Variants in SIL1 observed in about 807,000 individuals in gnomAD.
The protein encoded by SIL1 is nucleotide exchange factor SIL1.
SIL1 carries 40 observed loss-of-function variants against 49.1 expected under a neutral mutation model. The observed-to-expected ratio is 0.81, with a 90% CI of 0.63 to 1.06. SIL1 has a LOEUF of 1.06. SIL1 is among the 50% of genes least tolerant of loss of function. The probability of loss-of-function intolerance (pLI) is 0.00; values close to 1 mark genes in which losing one functional copy is unlikely to be tolerated. For synonymous variants in SIL1, 253 were observed against 250.8 expected (o/e 1.01, Z -0.08); for missense variants, 500 against 572.6 (o/e 0.87, Z 1.29).
At chr5:139,191,365 TTA>T (rs899028077) in intron 1 of SIL1, among the ~76,000 whole-genome samples, 7 of 152,126 alleles carry the variant, frequency 4.6e-5, no homozygotes, top group Non-Finnish European at 1.0e-4. Flanking sequence ...TTGTCCTACT[TTA>T]TGTTATTCCA....
At chr5:139,112,953 G>C (rs890265467) in intron 3 of SIL1, among the ~76,000 whole-genome samples, 6 of 152,242 alleles carry the variant, frequency 3.9e-5, no homozygotes, top group Admixed American at 6.5e-5. Flanking sequence ...TCTGTACTAA[G>C]AAAGATTCTT....
intron 3 of SIL1, among the ~76,000 whole-genome samples, chr5:139,089,838 A>T (rs1770304327): frequency 6.6e-6 from 1 of 152,168 alleles, no homozygotes; most frequent in South Asian, 2.1e-4. Flanking sequence ...CGGGTATGGG[A>T]TTTCCTTTTG....
chr5:139,102,064 C>T (rs931512304), intron 3 of SIL1, among the ~76,000 whole-genome samples: 5 of 152,142 alleles, frequency 3.3e-5, no homozygotes, highest in Non-Finnish European at 7.4e-5. Flanking sequence ...ACAGAGAATA[C>T]ATCAAAATAA....
rs1766642925 is a variant in SIL1 at position 138,946,990 on chromosome 5, G to A, written c.*127C>T. On this transcript the variant is annotated 3_prime_UTR_variant, in exon 10 of 10. Transcript: ENST00000394817. Reference sequence around the variant, plus strand: ...CACAGACACACAGCAGAAAGAGGATGGCCTTCAGGTTTCCATTTAATGGCC... The same window carrying A: ...CACAGACACACAGCAGAAAGAGGATAGCCTTCAGGTTTCCATTTAATGGCC... 2.7e-6 allele frequency: 2 copies of A among 753,284 alleles called. No individual in the cohort carries two copies. Among genetic ancestry groups the A allele is most frequent in the Non-Finnish European group, 4.7e-6 (2 of 423,766 alleles). 46.7% of individuals were successfully genotyped at this position (753,284 alleles called of 1,614,324 possible). A position where few individuals can be genotyped will look rare whatever the true frequency, so the allele number is the denominator to read the frequency against.
chr5:139,139,797 G>T (rs1581128740), intron 1 of SIL1, among the ~76,000 whole-genome samples: 4 of 152,186 alleles, frequency 2.6e-5, no homozygotes, highest in African/African-American at 9.6e-5. Flanking sequence ...GACCAGCCTG[G>T]CCAACATGGT....
chr5:139,168,550 C>G (rs1725574071), intron 1 of SIL1, among the ~76,000 whole-genome samples: 1 of 152,086 alleles, frequency 6.6e-6, no homozygotes, highest in African/African-American at 2.4e-5. Flanking sequence ...ATTGTTGTTG[C>G]TCCTCCCAGC....
intron 7 of SIL1, chr5:139,013,828 C>A (rs1458884304): frequency 1.3e-5 from 2 of 152,142 alleles, no homozygotes; most frequent in East Asian, 3.8e-4. Flanking sequence ...AAAAATAATA[C>A]ATACTCACTG....
Position 139,021,173 on chromosome 5 carries a change from G to A in SIL1, c.765C>T (p.Ser255=). 6.2e-7 allele frequency: 1 copy of A among 1,614,118 alleles called. No individual in the cohort carries two copies. Among genetic ancestry groups the A allele is most frequent in the Non-Finnish European group, 8.5e-7 (1 of 1,180,022 alleles). The change falls in exon 7 of 10, where the codon TCC becomes TCT. Residue 255 remains serine, a splice_region_variant and synonymous_variant. Transcript: ENST00000394817. The stretch of plus-strand genomic sequence containing the variant: ...GGGACGTCCATTATACTGCTCACCT[G>A]GAAAAGGCAGCGCCCAGCACAAACG... The part of the protein sequence containing the change: ...YAAFVLGAAF[S]SNPKVQVEAI...
chr5:139,173,133 A>C (rs771720116), intron 1 of SIL1, among the ~76,000 whole-genome samples: 1 of 152,226 alleles, frequency 6.6e-6, no homozygotes, highest in Non-Finnish European at 1.5e-5. Flanking sequence ...GCTGTTGAAG[A>C]AGCCGAGTTT....
intron 7 of SIL1, among the ~76,000 whole-genome samples, chr5:139,017,453 CTG>C (rs571842644): frequency 1.5e-4 from 23 of 152,008 alleles, no homozygotes; most frequent in Non-Finnish European, 2.6e-4. Flanking sequence ...ATCCTGCAAA[CTG>C]TGGAAAGTTC....
intron 1 of SIL1, among the ~76,000 whole-genome samples, chr5:139,178,760 AGT>A (rs1751930225): frequency 6.6e-6 from 1 of 152,116 alleles, no homozygotes; most frequent in Non-Finnish European, 1.5e-5. Flanking sequence ...ACTTATTCCA[AGT>A]GTAATTTTAC....
chr5:139,167,635 C>G (rs1270132970), intron 1 of SIL1, among the ~76,000 whole-genome samples: 1 of 152,150 alleles, frequency 6.6e-6, no homozygotes, highest in Non-Finnish European at 1.5e-5. Context: ...AAAAATATTA[C>G]AGTAAGCTAC....
chr5:139,114,782 A>C (rs1435441105), intron 3 of SIL1, among the ~76,000 whole-genome samples: 3 of 152,214 alleles, frequency 2.0e-5, no homozygotes. Context: ...ACTTATGTCC[A>C]AGAAGACAGA....
At chr5:139,141,499 T>A (rs867890423) in intron 1 of SIL1, among the ~76,000 whole-genome samples, 68 of 147,694 alleles carry the variant, frequency 4.6e-4, no homozygotes, top group South Asian at 1.3e-3. Flanking sequence ...AAAAAAAAAA[T>A]TTTTTTTTCA....
At chr5:139,004,514 A>T (rs914376400) in intron 7 of SIL1, among the ~76,000 whole-genome samples, 6 of 152,086 alleles carry the variant, frequency 3.9e-5, no homozygotes, top group Non-Finnish European at 8.8e-5. Flanking sequence ...TTATATTCAA[A>T]TCTTCACATC....
chr5:139,112,712 C>A lies in SIL1; in HGVS notation c.244+8323G>T, dbSNP rs1479059916. Among the ~76,000 whole-genome samples, 17 of 119,582 alleles carry A rather than the reference C, an allele frequency of 1.4e-4. No homozygotes were observed. The East Asian group carries it at 4.8e-3, about 34-fold the overall frequency. The allele number at this position is 119,582 out of a possible 152,430, so 78.5% of individuals were successfully genotyped here. A position where few individuals can be genotyped will look rare whatever the true frequency, so the allele number is the denominator to read the frequency against. On this transcript the variant is annotated intron_variant, in intron 3 of 9. Coordinates refer to ENST00000394817, the MANE Select transcript of SIL1 (RefSeq NM_022464.5). ...GCCTCCGCCCGGCCGCCGCCCCGTG[C>A]GGGAGGTGGGGGGCGCCTCTGCCCG...
At chr5:138,977,456 C>T (rs1044724879) in intron 7 of SIL1, among the ~76,000 whole-genome samples, 2 of 152,070 alleles carry the variant, frequency 1.3e-5, no homozygotes, top group Admixed American at 6.6e-5. Flanking sequence ...GCAAAGCAAT[C>T]AGAGGAATCT....
At chr5:139,027,430 C>T (rs1395344800) in intron 5 of SIL1, among the ~76,000 whole-genome samples, 1 of 152,192 alleles carries the variant, frequency 6.6e-6, no homozygotes, top group African/African-American at 2.4e-5. Context: ...CCCAATCCAA[C>T]AACATTTTAG....
rs35080367 is a variant in SIL1, at chr5:138,951,300, G to A, written c.900C>T (p.Phe300=). 6.7e-4 allele frequency: 1,045 copies of A among 1,564,220 alleles called. 8 individuals carry two copies. In the African/African-American group the frequency reaches 0.012, roughly 19 times the overall value. Residue 300 remains phenylalanine (F), a synonymous_variant, in exon 9 of 10, where the codon TTC becomes TTT. Transcript: ENST00000394817. ...LFALCSLLRH[F]PYAQRQFLKL... Reference sequence around the variant, plus strand: ...TCAGGAACTGCCGCTGGGCATAGGGGAAGTGGCGCAGCAGGGAGCACAGTG... The same window carrying A: ...TCAGGAACTGCCGCTGGGCATAGGGAAAGTGGCGCAGCAGGGAGCACAGTG...
Sources: allele counts gnomAD v4.1 joint callset (sites outside exome capture counted in the v4.1 genomes callset), GRCh38; gene constraint gnomAD v4.1.1; transcripts MANE v1.5; gene names NCBI Gene and HGNC (gene_info 2026-07-23, HGNC 2026-07-21).